The following ANXA9 variants were observed in gnomAD, a reference collection of about 807,000 sequenced individuals.
ANXA9 encodes annexin A9, also known as annexin 31.
In ANXA9, 47 loss-of-function variants were observed where a neutral mutation model predicts 51.8. The observed-to-expected ratio is 0.91, with a 90% CI of 0.72 to 1.16. The LOEUF is 1.16. Among genes scored for constraint, ANXA9 ranks in the 50% most tolerant of loss-of-function variants. ANXA9 has a pLI of 0.00. For missense variants in ANXA9, 361 were observed against 424.7 expected (o/e 0.85, Z 1.32); for synonymous variants, 154 against 168.7 (o/e 0.91, Z 0.68).
chr1:150,981,564 G>A (rs1165366602), upstream of ANXA9, among the ~76,000 whole-genome samples: 1 of 152,192 alleles, frequency 6.6e-6, no homozygotes, highest in African/African-American at 2.4e-5. Context: ...ACAGCCACAG[G>A]GCCCAGGCTG....
intron 6 of ANXA9, 81 bp downstream of exon 6, chr1:150,984,475 CT>C: frequency 1.3e-6 from 2 of 1,540,142 alleles, no homozygotes; most frequent in Non-Finnish European, 1.8e-6. Flanking sequence ...GAGAGTCCCC[CT>C]CTCGTCGTCC....
At position 150,984,681 on chromosome 1, in the gene ANXA9, G is replaced by A. The variant is rs1008962405; in HGVS notation, c.472+5G>A. The A allele has an allele frequency of 1.9e-5, 30 of 1,612,754 alleles. No individual in the cohort carries two copies. The highest frequency in any genetic ancestry group is 2.7e-5 in the African/African-American group (2 of 74,842). On this transcript the variant is annotated splice_donor_5th_base_variant and intron_variant, in intron 7 of 13. Transcript: ENST00000368947. ...GCCTGGCAGTCTACAAACACAGTAA[G>A]AATATAGAGGGAGGGGTCCCAGATG...
intron 3 of ANXA9, 68 bp downstream of exon 3, chr1:150,983,248 C>T: frequency 2.5e-6 from 4 of 1,599,718 alleles, no homozygotes; most frequent in Admixed American, 1.7e-5. Flanking sequence ...GGATGGGAGG[C>T]AGGAAAGTGG....
chr1:150,988,909 G>A (rs1671633626), intron 12 of ANXA9, among the ~76,000 whole-genome samples: 1 of 151,794 alleles, frequency 6.6e-6, no homozygotes, highest in Non-Finnish European at 1.5e-5. Context: ...TATACGATAA[G>A]TGCTCTTAGC....
rs772128207 is a variant in ANXA9 at position 150,986,675 on chromosome 1, T to A, written c.612+14T>A. The A allele has an allele frequency of 1.3e-6, 2 of 1,585,514 alleles. No individual in the cohort carries two copies. The highest frequency in any genetic ancestry group is 2.3e-5 in the South Asian group (2 of 86,562). On this transcript the variant is annotated intron_variant, in intron 9 of 13. Coordinates refer to ENST00000368947, the MANE Select transcript of ANXA9 (RefSeq NM_003568.3). ...CAAGATGTCCAGGTGAGCAGGGGGT[T>A]TAGGAGTGTGCACAGCCGCCATGCA...
Position 150,986,394 on chromosome 1 carries a change from C to T in ANXA9, c.531C>T (p.Asp177=), listed in dbSNP as rs773625149. ...ITSETSGILQ[D]LLLALAKGGR... ...CTGAGACCAGTGGCATCTTGCAGGACCTGCTGTTGGCCCTGGCCAAGGTGA... is the reference window on the plus strand; with the variant it reads ...CTGAGACCAGTGGCATCTTGCAGGATCTGCTGTTGGCCCTGGCCAAGGTGA... Residue 177 remains aspartate, a synonymous_variant, in exon 8 of 14, where the codon GAC becomes GAT. Coordinates refer to ENST00000368947, the MANE Select transcript of ANXA9 (RefSeq NM_003568.3). 2.5e-6 allele frequency: 4 copies of T among 1,614,098 alleles called. No homozygotes were observed. The South Asian group carries it at 4.4e-5, about 18-fold the overall frequency.
intron 12 of ANXA9, among the ~76,000 whole-genome samples, chr1:150,992,626 A>G (rs780957783): frequency 1.1e-4 from 17 of 151,970 alleles, no homozygotes; most frequent in Non-Finnish European, 2.1e-4. Context: ...CCTGGCCAAC[A>G]TGGTAAAACC....
intron 7 of ANXA9, among the ~76,000 whole-genome samples, chr1:150,985,206 A>G (rs957144463): frequency 5.9e-5 from 9 of 151,724 alleles, no homozygotes; most frequent in South Asian, 2.1e-4. Flanking sequence ...ACACACACAC[A>G]CACACACACA....
At chr1:150,988,259 C>G (rs758806425) in intron 11 of ANXA9, 24 bp from the exon 12 acceptor site, 4 of 1,614,158 alleles carry the variant, frequency 2.5e-6, no homozygotes, top group Non-Finnish European at 3.4e-6. Context: ...TTGTGAACCT[C>G]CATCCTTCCA....
chr1:150,991,372 G>A (rs1244530454), intron 12 of ANXA9, among the ~76,000 whole-genome samples: 8 of 147,480 alleles, frequency 5.4e-5, no homozygotes, highest in African/African-American at 2.0e-4. Flanking sequence ...GAGTAGCTGG[G>A]ATTACAGGCG....
At position 150,983,156 on chromosome 1, in the gene ANXA9, C is replaced by T. The variant is rs1558037991; in HGVS notation, c.51C>T (p.Leu17=). ...KMAPSLTQEI[L]SHLGLASKTA... ...CACCGTCCCTCACCCAGGAGATCCT[C>T]AGCCACCTGGGCCTGGCCAGCAAGG... The change falls in exon 3 of 14, where the codon CTC becomes CTT. Residue 17 remains leucine, a synonymous_variant. Coordinates refer to ENST00000368947, the MANE Select transcript of ANXA9 (RefSeq NM_003568.3). 6.2e-7 allele frequency: 1 copy of T among 1,614,124 alleles called. No homozygotes were observed. The highest frequency in any genetic ancestry group is 8.5e-7 in the Non-Finnish European group (1 of 1,179,994).
intron 12 of ANXA9, among the ~76,000 whole-genome samples, chr1:150,991,664 C>T (rs1671702949): frequency 6.6e-6 from 1 of 152,196 alleles, no homozygotes; most frequent in Non-Finnish European, 1.5e-5. Flanking sequence ...GCCTCACCCT[C>T]CCAAGTAGCT....
intron 12 of ANXA9, among the ~76,000 whole-genome samples, chr1:150,990,871 G>A (rs587633592): frequency 2.6e-5 from 4 of 151,986 alleles, no homozygotes; most frequent in East Asian, 1.9e-4. Context: ...CAGGCCAGGC[G>A]CGGTGGCTCA....
chr1:150,992,201 T>G (rs1671721809), intron 12 of ANXA9, among the ~76,000 whole-genome samples: 1 of 152,194 alleles, frequency 6.6e-6, no homozygotes, highest in Non-Finnish European at 1.5e-5. Flanking sequence ...GTAGTAAAAA[T>G]TAATGTTCCT....
chr1:150,990,960 A>T (rs187520490), intron 12 of ANXA9, among the ~76,000 whole-genome samples: 8 of 152,026 alleles, frequency 5.3e-5, no homozygotes, highest in Non-Finnish European at 8.8e-5. Context: ...CTGGCTAACA[A>T]GGTAAAACCC....
chr1:150,988,385 A>T, intron 12 of ANXA9, 44 bp downstream of exon 12: 1 of 1,605,576 alleles, frequency 6.2e-7, no homozygotes, highest in South Asian at 1.1e-5. Context: ...GAAACTGGGG[A>T]GGAGAGAGGA....
At chr1:150,993,065 G>A (rs113934030) in intron 12 of ANXA9, among the ~76,000 whole-genome samples, 7 of 152,104 alleles carry the variant, frequency 4.6e-5, no homozygotes, top group African/African-American at 1.7e-4. Flanking sequence ...AGGAGTTTAT[G>A]ATCTATTGGG....
intron 12 of ANXA9, among the ~76,000 whole-genome samples, chr1:150,990,319 A>C (rs1021637273): frequency 2.7e-5 from 4 of 148,976 alleles, no homozygotes; most frequent in Admixed American, 6.7e-5. Flanking sequence ...TCAAAAAAAG[A>C]AAAAAAGAAG....
intron 6 of ANXA9, 67 bp downstream of exon 6, chr1:150,984,461 A>G: frequency 6.4e-7 from 1 of 1,565,104 alleles, no homozygotes; most frequent in Non-Finnish European, 8.8e-7. Context: ...TGCTTTTGCA[A>G]GACGAGAGTC....
Sources: allele counts gnomAD v4.1 joint callset (sites outside exome capture counted in the v4.1 genomes callset), GRCh38; gene constraint gnomAD v4.1.1; transcripts MANE v1.5; gene names NCBI Gene and HGNC (gene_info 2026-07-23, HGNC 2026-07-21).